Variants in MLIP observed in about 807,000 individuals in gnomAD.
MLIP encodes muscular LMNA-interacting protein.
MLIP carries 79 observed loss-of-function variants against 84.8 expected under a neutral mutation model. That is an observed-to-expected ratio of 0.93 (90% confidence interval 0.78 to 1.12). MLIP has a LOEUF of 1.12. Ranked by LOEUF, MLIP falls within the 50% of genes most tolerant of loss-of-function variation. The probability of loss-of-function intolerance (pLI) is 0.00; values close to 1 mark genes in which losing one functional copy is unlikely to be tolerated. For synonymous variants in MLIP, 504 were observed against 463.0 expected, an observed-to-expected ratio of 1.09 and a Z score of -1.14; for missense variants, 1,257 against 1,160.6, an observed-to-expected ratio of 1.08 and a Z score of -1.21.
chr6:54,144,040 G>T (rs985426358), intron 4 of MLIP, among the ~76,000 whole-genome samples: 1 of 152,072 alleles, frequency 6.6e-6, no homozygotes, highest in African/African-American at 2.4e-5. Flanking sequence ...TTGCTACCTC[G>T]CCCATCTGCT....
intron 1 of MLIP, chr6:54,047,394 T>G (rs957310593): frequency 6.6e-6 from 1 of 152,216 alleles, no homozygotes; most frequent in Non-Finnish European, 1.5e-5. Context: ...TCTGCCAATT[T>G]AATTTATTCC....
chr6:54,035,080 G>A (rs1048025069), intron 1 of MLIP, among the ~76,000 whole-genome samples: 2 of 152,082 alleles, frequency 1.3e-5, no homozygotes, highest in Admixed American at 6.6e-5. Context: ...AGATATGGCC[G>A]TATACTATAA....
At chr6:54,065,993 T>C (rs1766212258) in intron 1 of MLIP, among the ~76,000 whole-genome samples, 1 of 99,536 alleles carries the variant, frequency 1.0e-5, no homozygotes, top group African/African-American at 2.6e-5. Flanking sequence ...TTTCATATTT[T>C]ATTTTGCCCA....
intron 11 of MLIP, among the ~76,000 whole-genome samples, chr6:54,226,778 G>T (rs952965365): frequency 6.6e-6 from 1 of 152,006 alleles, no homozygotes; most frequent in Admixed American, 6.6e-5. Flanking sequence ...AAAATAAAAA[G>T]AATACTTGGA....
chr6:54,170,489 G>A (rs560630979), intron 9 of MLIP, among the ~76,000 whole-genome samples: 1 of 151,556 alleles, frequency 6.6e-6, no homozygotes, highest in Non-Finnish European at 1.5e-5. Context: ...ACACTGCTTA[G>A]AGCATTTCCT....
chr6:54,194,908 ATAT>A (rs961714391), intron 10 of MLIP, among the ~76,000 whole-genome samples: 1 of 151,836 alleles, frequency 6.6e-6, no homozygotes, highest in African/African-American at 2.4e-5. Context: ...GAGATTTAAG[ATAT>A]TTGTTTGAGG....
At chr6:54,226,969 C>T (rs758839684) in intron 11 of MLIP, among the ~76,000 whole-genome samples, 22 of 152,122 alleles carry the variant, frequency 1.4e-4, no homozygotes, top group Non-Finnish European at 2.9e-4. Flanking sequence ...GGCCCTGTGT[C>T]CCCACCCAAA....
chr6:54,198,892 G>A (rs1358818270), intron 10 of MLIP, among the ~76,000 whole-genome samples: 2 of 84,324 alleles, frequency 2.4e-5, no homozygotes, highest in African/African-American at 5.6e-5. Flanking sequence ...GTGTGTGTGT[G>A]TGTATATGTG....
intron 9 of MLIP, among the ~76,000 whole-genome samples, chr6:54,185,562 A>G (rs1268816797): frequency 6.6e-6 from 1 of 152,182 alleles, no homozygotes; most frequent in African/African-American, 2.4e-5. Context: ...CCATGATAAT[A>G]ATTTGGAATT....
intron 13 of MLIP, among the ~76,000 whole-genome samples, chr6:54,262,528 C>A (rs542814552): frequency 2.0e-5 from 3 of 152,140 alleles, no homozygotes; most frequent in Admixed American, 2.0e-4. Context: ...AAGTAAACTT[C>A]TCATATCTTT....
chr6:54,255,341 T>C (rs1256076617), intron 12 of MLIP, among the ~76,000 whole-genome samples: 1 of 152,218 alleles, frequency 6.6e-6, no homozygotes, highest in Non-Finnish European at 1.5e-5. Context: ...AACAGAGTAT[T>C]ACTAGTGCTC....
intron 11 of MLIP, among the ~76,000 whole-genome samples, chr6:54,202,521 C>T (rs1778764999): frequency 6.7e-6 from 1 of 150,144 alleles, no homozygotes; most frequent in African/African-American, 2.5e-5. Flanking sequence ...TTTTGGAGAC[C>T]AAGATGTTGC....
At chr6:54,100,552 G>C (rs552638975) in intron 1 of MLIP, among the ~76,000 whole-genome samples, 93 of 152,110 alleles carry the variant, frequency 6.1e-4, no homozygotes, top group African/African-American at 2.2e-3. Context: ...TAACTAATGT[G>C]GTTAGTCAGA....
chr6:54,116,368 A>G lies in MLIP; in HGVS notation c.96+4793A>G, dbSNP rs547140778. 6.6e-5 allele frequency among the ~76,000 whole-genome samples: 10 copies of G among 152,350 alleles called. No homozygotes were observed. The East Asian group carries it at 1.9e-3, about 29-fold the overall frequency. ...ATTGGTTTTTGGAAAGATAAATTTG[A>G]CAAATCTTTAGACAAATAAATAGAA... On this transcript the variant is annotated intron_variant, in intron 1 of 13. Coordinates refer to ENST00000502396, the MANE Select transcript of MLIP (RefSeq NM_001281747.2).
intron 1 of MLIP, among the ~76,000 whole-genome samples, chr6:54,052,938 A>G (rs1015200820): frequency 2.0e-5 from 3 of 152,100 alleles, no homozygotes; most frequent in African/African-American, 7.2e-5. Context: ...TGTAAGAGGG[A>G]GATATGTGGA....
At chr6:54,156,308 A>G (rs12197548) in intron 5 of MLIP, among the ~76,000 whole-genome samples, 4 of 152,074 alleles carry the variant, frequency 2.6e-5, no homozygotes, top group African/African-American at 4.8e-5. Context: ...ATACAGCCTG[A>G]GTATTTTGTG....
chr6:54,051,306 G>A (rs1765361848), intron 1 of MLIP, among the ~76,000 whole-genome samples: 1 of 151,692 alleles, frequency 6.6e-6, no homozygotes, highest in Non-Finnish European at 1.5e-5. Flanking sequence ...TAGAATCAAT[G>A]CATTCTTTGA....
intron 1 of MLIP, among the ~76,000 whole-genome samples, chr6:54,089,264 A>T (rs1415015795): frequency 6.6e-6 from 1 of 152,156 alleles, no homozygotes; most frequent in Admixed American, 6.6e-5. Flanking sequence ...CTTTACAATA[A>T]TAACATTTCA....
At chr6:54,175,737 A>AT (rs1359253095) in intron 9 of MLIP, among the ~76,000 whole-genome samples, 3 of 151,652 alleles carry the variant, frequency 2.0e-5, no homozygotes, top group African/African-American at 7.3e-5. Flanking sequence ...GGTGCCCTTT[A>AT]TTTTTTCTCT....
Sources: allele counts gnomAD v4.1 joint callset (sites outside exome capture counted in the v4.1 genomes callset), GRCh38; gene constraint gnomAD v4.1.1; transcripts MANE v1.5; gene names NCBI Gene and HGNC (gene_info 2026-07-23, HGNC 2026-07-21).